The following SLC30A8 variants were observed in gnomAD, a reference collection of about 807,000 sequenced individuals.
The protein encoded by SLC30A8 is solute carrier family 30 member 8.
A neutral mutation model predicts 36.9 loss-of-function variants in SLC30A8; 27 were observed. The observed-to-expected ratio is 0.73, with a 90% CI of 0.54 to 1.01. The LOEUF (loss-of-function observed/expected upper bound fraction) is 1.01. SLC30A8 is among the 50% of genes least tolerant of loss of function. SLC30A8 has a pLI of 0.00. For synonymous variants in SLC30A8, 164 were observed against 172.4 expected (o/e 0.95, Z 0.38); for missense variants, 439 against 452.0 (o/e 0.97, Z 0.26).
At chr8:117,052,900 CT>C (rs1186891735) in intron 2 of SLC30A8, among the ~76,000 whole-genome samples, 1 of 137,632 alleles carries the variant, frequency 7.3e-6, no homozygotes, top group Admixed American at 7.1e-5. Flanking sequence ...GTGAAGTCTC[CT>C]TTTTTTTCTT....
At chr8:116,965,874 AT>A (rs375085059) in intron 1 of SLC30A8, among the ~76,000 whole-genome samples, 2,102 of 149,906 alleles carry the variant, frequency 0.014, 56 homozygotes, top group African/African-American at 0.049. Flanking sequence ...AATATTTTTA[AT>A]TTTTTTTAAT....
rs150805620 is a variant in SLC30A8, at chr8:116,992,944, G to A, written c.-266+41825G>A. 9.3e-5 allele frequency among the ~76,000 whole-genome samples: 14 copies of A among 150,926 alleles called. No individual in the cohort carries two copies. The East Asian group carries it at 1.4e-3, about 15-fold the overall frequency. On this transcript the variant is annotated intron_variant, in intron 1 of 10. Coordinates refer to the SLC30A8 transcript ENST00000427715. Reference sequence around the variant, plus strand: ...TGCAGCACAAGAATACAGAGCCTACGCAGAGAATCGTGGCCATGTCGAGTA... The same window carrying A: ...TGCAGCACAAGAATACAGAGCCTACACAGAGAATCGTGGCCATGTCGAGTA...
intron 2 of SLC30A8, among the ~76,000 whole-genome samples, chr8:117,045,930 C>T (rs13251749): frequency 0.14 from 20,584 of 149,244 alleles, 1,565 homozygotes; most frequent in Non-Finnish European, 0.18. Context: ...TTTTTTTTTT[C>T]CCCCTTCTTT....
chr8:117,059,153 T>C (rs1817958252), intron 2 of SLC30A8, among the ~76,000 whole-genome samples: 1 of 152,200 alleles, frequency 6.6e-6, no homozygotes, highest in South Asian at 2.1e-4. Context: ...ATAGTTTGAA[T>C]TTACAGACAT....
At chr8:117,118,571 C>T (rs1425266180) in intron 2 of SLC30A8, among the ~76,000 whole-genome samples, 1 of 151,798 alleles carries the variant, frequency 6.6e-6, no homozygotes, top group Admixed American at 6.6e-5. Context: ...ATTCTTAATG[C>T]ATTGCCAAGC....
chr8:117,153,129 C>A, intron 3 of SLC30A8, 39 bp downstream of exon 3: 1 of 1,499,584 alleles, frequency 6.7e-7, no homozygotes, highest in Non-Finnish European at 9.0e-7. Context: ...CAGGCTGGTG[C>A]TGCAAAGTCA....
At chr8:117,095,219 G>A (rs2130840087) in intron 2 of SLC30A8, among the ~76,000 whole-genome samples, 1 of 152,314 alleles carries the variant, frequency 6.6e-6, no homozygotes, top group Non-Finnish European at 1.5e-5. Flanking sequence ...TGTAGCCAGT[G>A]TCATAGCAGC....
chr8:117,012,777 G>C (rs915356123), intron 1 of SLC30A8, among the ~76,000 whole-genome samples: 5 of 142,986 alleles, frequency 3.5e-5, no homozygotes, highest in African/African-American at 1.3e-4. Context: ...TCCTCAAATA[G>C]ATTGTAGGCC....
intron 1 of SLC30A8, among the ~76,000 whole-genome samples, chr8:116,992,739 C>T (rs901283935): frequency 3.3e-5 from 5 of 152,130 alleles, no homozygotes; most frequent in Admixed American, 6.6e-5. Context: ...GGAGACTTCT[C>T]TTATCTTGCA....
intron 2 of SLC30A8, among the ~76,000 whole-genome samples, chr8:117,100,126 T>C (rs114330079): frequency 0.03 from 4,523 of 152,298 alleles, 151 homozygotes; most frequent in African/African-American, 0.086. Flanking sequence ...ATAACAATTA[T>C]CTACTATTTG....
At chr8:117,157,968 T>A in intron 4 of SLC30A8, 124 bp downstream of exon 4, 3 of 1,088,466 alleles carry the variant, frequency 2.8e-6, no homozygotes, top group Non-Finnish European at 3.9e-6. Context: ...AGTGTTTGAA[T>A]GGCTCTAAGA....
intron 2 of SLC30A8, among the ~76,000 whole-genome samples, chr8:117,068,146 A>G (rs545963663): frequency 2.6e-5 from 4 of 152,286 alleles, no homozygotes; most frequent in South Asian, 2.1e-4. Context: ...TGAAGTCTGA[A>G]TTCTTTTTAA....
chr8:117,068,858 C>T (rs190844689), intron 2 of SLC30A8, among the ~76,000 whole-genome samples: 239 of 151,580 alleles, frequency 1.6e-3, no homozygotes, highest in Admixed American at 3.9e-3. Flanking sequence ...ATTACAGGCG[C>T]GAGCCACTAC....
intron 2 of SLC30A8, among the ~76,000 whole-genome samples, chr8:117,119,377 T>A (rs1820590556): frequency 6.6e-6 from 1 of 151,938 alleles, no homozygotes. Context: ...TAATTTAGAT[T>A]GAGTTTCTAA....
chr8:117,023,122 A>C (rs1294396791), intron 1 of SLC30A8, among the ~76,000 whole-genome samples: 3 of 152,220 alleles, frequency 2.0e-5, no homozygotes, highest in Admixed American at 1.3e-4. Flanking sequence ...CACATGAAAA[A>C]ATGTTCATCA....
chr8:117,167,838 G>A (rs1823142018), intron 6 of SLC30A8, among the ~76,000 whole-genome samples: 1 of 151,980 alleles, frequency 6.6e-6, no homozygotes, highest in African/African-American at 2.4e-5. Flanking sequence ...TGCTTTATTA[G>A]TATGTTTTTT....
At chr8:117,134,815 G>A (rs1821282733), upstream of SLC30A8, 1 of 152,030 alleles carries the variant, frequency 6.6e-6, no homozygotes, top group African/African-American at 2.4e-5. Context: ...AATTCTGACA[G>A]CTGCTTAGAG....
intron 2 of SLC30A8, among the ~76,000 whole-genome samples, chr8:117,118,216 A>G (rs1820539449): frequency 6.6e-6 from 1 of 151,606 alleles, no homozygotes; most frequent in South Asian, 2.1e-4. Context: ...AAACAAAAAA[A>G]CCTTGCAAAA....
intron 1 of SLC30A8, among the ~76,000 whole-genome samples, chr8:116,959,427 C>T (rs925880552): frequency 3.3e-5 from 5 of 152,142 alleles, no homozygotes; most frequent in Non-Finnish European, 7.4e-5. Flanking sequence ...TCTAGATTGG[C>T]TTCAATTGAT....
Sources: gnomAD v4.1 joint callset for allele counts (sites outside exome capture counted in the v4.1 genomes callset) on GRCh38, gnomAD v4.1.1 for gene constraint, MANE v1.5 for transcripts, NCBI Gene and HGNC (gene_info 2026-07-23, HGNC 2026-07-21) for gene names.